Variants in SCYL2 observed in about 807,000 individuals in gnomAD.
SCYL2 encodes the protein SCY1 like pseudokinase 2.
In SCYL2, 36 loss-of-function variants were observed where a neutral mutation model predicts 100.4. The observed-to-expected ratio is 0.36, with a 90% CI of 0.27 to 0.47. The LOEUF (loss-of-function observed/expected upper bound fraction) is 0.47. Ranked by LOEUF, SCYL2 falls within the 20% of genes least tolerant of loss-of-function variation. The probability of loss-of-function intolerance (pLI) is 1.00; values close to 1 mark genes in which losing one functional copy is unlikely to be tolerated. For missense variants in SCYL2, 902 were observed against 1,083.9 expected (o/e 0.83, Z 2.36); for synonymous variants, 330 against 359.2 (o/e 0.92, Z 0.92).
intron 13 of SCYL2, 41 bp from the exon 14 acceptor site, chr12:100,334,125 A>T (rs1018389433): frequency 8.7e-7 from 1 of 1,144,072 alleles, no homozygotes; most frequent in East Asian, 2.4e-5. Context: ...TTTGCTGCTA[A>T]CTTGAAACAT....
At chr12:100,331,083 C>T (rs1278206061) in intron 13 of SCYL2, among the ~76,000 whole-genome samples, 2 of 152,030 alleles carry the variant, frequency 1.3e-5, no homozygotes, top group African/African-American at 4.8e-5. Context: ...GCCTCGGCCT[C>T]CCAAAGTGCT....
At chr12:100,275,827 A>C (rs1272323676) in intron 1 of SCYL2, among the ~76,000 whole-genome samples, 2 of 152,168 alleles carry the variant, frequency 1.3e-5, no homozygotes, top group Admixed American at 6.6e-5. Context: ...CAAAGATGCT[A>C]TTTATCAGGT....
chr12:100,311,029 T>C lies in SCYL2; in HGVS notation c.481-15T>C, dbSNP rs1415755473. 6 of 1,531,494 alleles carry C rather than the reference T, an allele frequency of 3.9e-6. No individual in the cohort carries two copies. The highest frequency in any genetic ancestry group is 1.4e-5 in the African/African-American group (1 of 70,988). 94.9% of individuals were successfully genotyped at this position (1,531,494 alleles called of 1,614,324 possible). ...GAGTTTTATTTAGTGTAAAATGTGT[T>C]TTTTCCATTTACAGGTTTCTGAAGG... On this transcript the variant is annotated splice_polypyrimidine_tract_variant and intron_variant, in intron 4 of 17. Coordinates refer to ENST00000360820, the MANE Select transcript of SCYL2 (RefSeq NM_017988.6).
intron 1 of SCYL2, among the ~76,000 whole-genome samples, chr12:100,279,386 G>A (rs563110704): frequency 6.6e-6 from 1 of 152,336 alleles, no homozygotes; most frequent in East Asian, 1.9e-4. Flanking sequence ...CTGCAGCCCG[G>A]TTCCTAATAG....
chr12:100,303,905 T>A (rs943014306), intron 4 of SCYL2, among the ~76,000 whole-genome samples: 1 of 152,166 alleles, frequency 6.6e-6, no homozygotes, highest in African/African-American at 2.4e-5. Context: ...ATGGGAGTTT[T>A]ATGTATAAAC....
intron 3 of SCYL2, among the ~76,000 whole-genome samples, chr12:100,294,120 C>CCTCACCTCCCGGACTCACCTCCCGGA (rs529973109): frequency 2.8e-5 from 4 of 140,746 alleles, no homozygotes; most frequent in Non-Finnish European, 6.4e-5. Flanking sequence ...CAGAGGCGCC[C>CCTCACCTCCCGGACTCACCTCCCGGA]CTCACCTCCC....
intron 6 of SCYL2, 130 bp downstream of exon 6, chr12:100,312,783 C>T (rs931628063): frequency 6.4e-5 from 39 of 613,540 alleles, no homozygotes; most frequent in Non-Finnish European, 1.1e-4. Context: ...ATAAGATCAG[C>T]TTAATAATTT....
chr12:100,271,873 T>C (rs1439082983), intron 1 of SCYL2, among the ~76,000 whole-genome samples: 2 of 152,232 alleles, frequency 1.3e-5, no homozygotes, highest in African/African-American at 4.8e-5. Context: ...AGGAAGTCTT[T>C]GTTAAGCATA....
At chr12:100,313,681 G>GC (rs2096344996) in intron 7 of SCYL2, 143 bp downstream of exon 7, 1 of 565,616 alleles carries the variant, frequency 1.8e-6, no homozygotes, top group South Asian at 2.3e-5. Context: ...GTCAGATACA[G>GC]CCCCAAATAA....
At chr12:100,271,281 A>AAAAAAAAAAG (rs869276181) in intron 1 of SCYL2, among the ~76,000 whole-genome samples, 41 of 128,880 alleles carry the variant, frequency 3.2e-4, no homozygotes, top group African/African-American at 9.1e-4. Context: ...AAAAAAAAAA[A>AAAAAAAAAAG]AGAGAGAGAG....
At position 100,270,623 on chromosome 12, in the gene SCYL2, C is replaced by CTTT. The variant is rs559329533; in HGVS notation, c.-29+2846_-29+2848dup. On this transcript the variant is annotated intron_variant, in intron 1 of 17. Transcript: ENST00000360820. The stretch of plus-strand genomic sequence containing the variant: ...GTTGCCTGAAATTTCATGTTGCTTT[C>CTTT]TTTTTTTTTTTTTTTTTAATATTTT... Among the ~76,000 whole-genome samples the CTTT allele has an allele frequency of 1.3e-3, 168 of 125,666 alleles. 1 individual carries two copies. Among genetic ancestry groups the CTTT allele is most frequent in the African/African-American group, 4.1e-3 (135 of 32,788 alleles). The allele number at this position is 125,666 out of a possible 152,430, so 82.4% of individuals were successfully genotyped here.
chr12:100,294,816 C>T (rs1485400238), intron 3 of SCYL2, among the ~76,000 whole-genome samples: 1 of 150,924 alleles, frequency 6.6e-6, no homozygotes, highest in African/African-American at 2.5e-5. Context: ...CACCTCCCTC[C>T]CGGACGGGGT....
chr12:100,294,897 C>T (rs2096316989), intron 3 of SCYL2, among the ~76,000 whole-genome samples: 1 of 151,678 alleles, frequency 6.6e-6, no homozygotes, highest in South Asian at 2.1e-4. Context: ...CCTCACTTCT[C>T]AGACGGGGCG....
At chr12:100,324,263 A>G (rs1411677088) in intron 11 of SCYL2, among the ~76,000 whole-genome samples, 3 of 152,194 alleles carry the variant, frequency 2.0e-5, no homozygotes, top group Non-Finnish European at 2.9e-5. Flanking sequence ...AAATGTCCCC[A>G]GCCTTTTCTC....
chr12:100,312,741 T>C lies in SCYL2; in HGVS notation c.852+88T>C, dbSNP rs553457667. 3.6e-6 allele frequency: 3 copies of C among 840,512 alleles called. No individual in the cohort carries two copies. The African/African-American group carries it at 5.2e-5, about 15-fold the overall frequency. 52.1% of individuals were successfully genotyped at this position (840,512 alleles called of 1,614,324 possible). On this transcript the variant is annotated intron_variant, in intron 6 of 17. Coordinates refer to ENST00000360820, the MANE Select transcript of SCYL2 (RefSeq NM_017988.6). ...TCCAAAATGTGTTCAGGAAATTCTT[T>C]AAATGACATGAGTATCTCATTTTAA...
In SCYL2 at chr12:100,282,946, A is replaced by C. The variant is rs756395800; in HGVS notation, c.-25A>C. ...CACTATCCTTCTGTTTTTCTAGGTA[A>C]CTATAACTACCCAATATTGCAGCCA... is the stretch of plus-strand genomic sequence containing the variant. On this transcript the variant is annotated 5_prime_UTR_variant, in exon 2 of 18. Coordinates refer to ENST00000360820, the MANE Select transcript of SCYL2 (RefSeq NM_017988.6). 4 of 1,508,056 alleles carry C rather than the reference A, an allele frequency of 2.7e-6. No individual in the cohort carries two copies. Among genetic ancestry groups the C allele is most frequent in the Non-Finnish European group, 3.6e-6 (4 of 1,109,126 alleles). 93.4% of individuals were successfully genotyped at this position (1,508,056 alleles called of 1,614,324 possible). A position where few individuals can be genotyped will look rare whatever the true frequency, so the allele number is the denominator to read the frequency against.
At chr12:100,310,133 G>A (rs2096340380) in intron 4 of SCYL2, among the ~76,000 whole-genome samples, 2 of 152,010 alleles carry the variant, frequency 1.3e-5, no homozygotes, top group South Asian at 4.2e-4. Context: ...CGAGTAGCTG[G>A]GTCTAGAGGC....
intron 10 of SCYL2, among the ~76,000 whole-genome samples, 158 bp from the exon 11 acceptor site, chr12:100,323,367 A>G: frequency 6.6e-6 from 1 of 152,342 alleles, no homozygotes; most frequent in South Asian, 2.1e-4. Flanking sequence ...GATTATAACC[A>G]TTCATTTTTC....
In SCYL2 at chr12:100,331,167, T is replaced by G. The variant is rs540813728; in HGVS notation, c.1761+1848T>G. On this transcript the variant is annotated intron_variant, in intron 13 of 17. Transcript: ENST00000360820. ...TTGGTTTGGTAATTTCTTCATATCT[T>G]GGATAGCAGAGTTGAGGTTAGGGTG... Among the ~76,000 whole-genome samples the G allele has an allele frequency of 1.8e-4, 27 of 152,184 alleles. No homozygotes were observed. In the South Asian group the frequency reaches 5.6e-3, roughly 32 times the overall value.
Sources: gnomAD v4.1 joint callset for allele counts (sites outside exome capture counted in the v4.1 genomes callset) on GRCh38, gnomAD v4.1.1 for gene constraint, MANE v1.5 for transcripts, NCBI Gene and HGNC (gene_info 2026-07-23, HGNC 2026-07-21) for gene names.